The following CAPN2 variants were observed in gnomAD, a reference collection of about 807,000 sequenced individuals.
The protein encoded by CAPN2 is calpain-2 catalytic subunit.
CAPN2 carries 92 observed loss-of-function variants against 102.3 expected under a neutral mutation model. The observed-to-expected ratio is 0.90, with a 90% CI of 0.76 to 1.07. The LOEUF (loss-of-function observed/expected upper bound fraction) is 1.07. CAPN2 is among the 50% of genes least tolerant of loss of function. The pLI is 0.00. For missense variants in CAPN2, 800 were observed against 909.4 expected, an observed-to-expected ratio of 0.88 and a Z score of 1.55; for synonymous variants, 340 against 355.4, an observed-to-expected ratio of 0.96 and a Z score of 0.49.
chr1:223,721,744 T>G (rs1243195534), intron 2 of CAPN2, among the ~76,000 whole-genome samples: 1 of 152,200 alleles, frequency 6.6e-6, no homozygotes, highest in Non-Finnish European at 1.5e-5. Context: ...ATGGGGAATT[T>G]TCCAGTCCTG....
intron 2 of CAPN2, among the ~76,000 whole-genome samples, chr1:223,740,610 T>A (rs755578747): frequency 6.6e-6 from 1 of 152,254 alleles, no homozygotes; most frequent in South Asian, 2.1e-4. Context: ...TATGACCTAA[T>A]GCTTGCTTGG....
At chr1:223,717,271 C>T (rs550693640) in intron 1 of CAPN2, among the ~76,000 whole-genome samples, 10 of 152,164 alleles carry the variant, frequency 6.6e-5, no homozygotes, top group Admixed American at 2.6e-4. Context: ...TGGACTAGGA[C>T]GACTTCACGG....
chr1:223,707,098 A>T (rs1440216001), intron 1 of CAPN2, among the ~76,000 whole-genome samples: 2 of 149,282 alleles, frequency 1.3e-5, no homozygotes, highest in Non-Finnish European at 3.0e-5. Flanking sequence ...AAAAAAAAAA[A>T]TCCAGAACCT....
Position 223,725,123 on chromosome 1 carries a change from C to T in CAPN2, c.307+7292C>T, listed in dbSNP as rs1163161597. 6.6e-6 allele frequency among the ~76,000 whole-genome samples: 1 copy of T among 152,214 alleles called. No individual in the cohort carries two copies. Among genetic ancestry groups the T allele is most frequent in the African/African-American group, 2.4e-5 (1 of 41,464 alleles). On this transcript the variant is annotated intron_variant, in intron 2 of 20. Coordinates refer to ENST00000295006, the MANE Select transcript of CAPN2 (RefSeq NM_001748.5). This position sits in a 1 kb window ranked among gnomAD's most constrained non-coding sequence, Gnocchi z 4.1. ...GTGGATCACTATCCTCTTCACACCTCAGTTTCCTCATCCGTGAAATGAAGA... is the reference window on the plus strand; with the variant it reads ...GTGGATCACTATCCTCTTCACACCTTAGTTTCCTCATCCGTGAAATGAAGA...
At chr1:223,741,691 G>C (rs1275536529) in intron 2 of CAPN2, among the ~76,000 whole-genome samples, 1 of 152,030 alleles carries the variant, frequency 6.6e-6, no homozygotes, top group Non-Finnish European at 1.5e-5. Flanking sequence ...CTGACCTCAG[G>C]CTATCTGCCC....
At position 223,775,457 on chromosome 1, in the gene CAPN2, T is replaced by C. The variant is rs1460845909; in HGVS notation, c.*600T>C. On this transcript the variant is annotated 3_prime_UTR_variant, in exon 21 of 21. Transcript: ENST00000295006. ...AGAGACAGGTTTTGTAGAATATTGA[T>C]TGGTAATAGTAAATCGTTCTCCTTA... The C allele has an allele frequency of 1.3e-5, 2 of 152,628 alleles. No individual in the cohort carries two copies. The highest frequency in any genetic ancestry group is 6.5e-5 in the Admixed American group (1 of 15,316). 9.5% of individuals were successfully genotyped at this position (152,628 alleles called of 1,614,324 possible). A position where few individuals can be genotyped will look rare whatever the true frequency, so the allele number is the denominator to read the frequency against.
At chr1:223,740,266 G>A (rs1267960489) in intron 2 of CAPN2, among the ~76,000 whole-genome samples, 1 of 152,180 alleles carries the variant, frequency 6.6e-6, no homozygotes, top group Non-Finnish European at 1.5e-5. Flanking sequence ...GTTCCCTGGT[G>A]CCGTAAAGAA....
rs558377207 is a variant in CAPN2 at position 223,714,777 on chromosome 1, G to A, written c.237+1900G>A. ...TTTCTCGAATACCTACTATATGCTG[G>A]GCACAATGCATATGGTTTCTGCTTC... On this transcript the variant is annotated intron_variant, in intron 1 of 20. Coordinates refer to ENST00000295006, the MANE Select transcript of CAPN2 (RefSeq NM_001748.5). Among the ~76,000 whole-genome samples, 62 of 152,168 alleles carry A rather than the reference G, an allele frequency of 4.1e-4. 2 individuals carry two copies. The South Asian group carries it at 0.013, about 32-fold the overall frequency.
intron 16 of CAPN2, 127 bp from the exon 17 acceptor site, chr1:223,769,714 A>G (rs575115459): frequency 1.4e-6 from 1 of 727,234 alleles, no homozygotes; most frequent in Non-Finnish European, 2.4e-6. Flanking sequence ...AAGCAGGAAA[A>G]GGATCCTTCT....
At chr1:223,718,807 A>AAGGC (rs1659952877) in intron 2 of CAPN2, among the ~76,000 whole-genome samples, 1 of 152,210 alleles carries the variant, frequency 6.6e-6, no homozygotes, top group Non-Finnish European at 1.5e-5. Flanking sequence ...AACAGCTAAT[A>AAGGC]TGTATCTCTA....
At position 223,731,593 on chromosome 1, in the gene CAPN2, C is replaced by G. The variant is rs927302580; in HGVS notation, c.308-12507C>G. Among the ~76,000 whole-genome samples, 3 of 152,242 alleles carry G rather than the reference C, an allele frequency of 2.0e-5. No individual in the cohort carries two copies. The highest frequency in any genetic ancestry group is 7.2e-5 in the African/African-American group (3 of 41,460). On this transcript the variant is annotated intron_variant, in intron 2 of 20. Transcript: ENST00000295006. This position sits in a 1 kb window ranked among gnomAD's most constrained non-coding sequence, Gnocchi z 4.2. The stretch of plus-strand genomic sequence containing the variant: ...CCTGCCGGCTGTGAGCTCACTGCCT[C>G]AGAACCAGCGCCAGTCTCCTCTAGA...
At chr1:223,736,013 C>T (rs575569937) in intron 2 of CAPN2, among the ~76,000 whole-genome samples, 8 of 152,264 alleles carry the variant, frequency 5.3e-5, no homozygotes, top group Admixed American at 2.0e-4. Context: ...CTCCTGATCT[C>T]GTGATCTGCC....
At chr1:223,734,654 AC>A (rs1413480963) in intron 2 of CAPN2, among the ~76,000 whole-genome samples, 2 of 151,646 alleles carry the variant, frequency 1.3e-5, no homozygotes, top group Non-Finnish European at 2.9e-5. Flanking sequence ...CAACCCTGGC[AC>A]CCTTTCGAGG....
intron 2 of CAPN2, among the ~76,000 whole-genome samples, chr1:223,743,715 C>G (rs1340040797): frequency 2.0e-5 from 3 of 152,210 alleles, no homozygotes; most frequent in Non-Finnish European, 2.9e-5. Context: ...TGCAGCTGCG[C>G]TGGTTTCATT....
At chr1:223,739,802 G>A (rs1383077696) in intron 2 of CAPN2, among the ~76,000 whole-genome samples, 1 of 152,204 alleles carries the variant, frequency 6.6e-6, no homozygotes, top group Non-Finnish European at 1.5e-5. Flanking sequence ...TCCGTCACTG[G>A]AAGGCACCCT....
At chr1:223,719,260 G>A (rs973309786) in intron 2 of CAPN2, among the ~76,000 whole-genome samples, 2 of 152,124 alleles carry the variant, frequency 1.3e-5, no homozygotes, top group Non-Finnish European at 2.9e-5. Context: ...AGAAACAGCC[G>A]GCGCAGTGGC....
At position 223,757,395 on chromosome 1, in the gene CAPN2, T is replaced by C. The variant is rs903276938; in HGVS notation, c.1317+15T>C. The C allele has an allele frequency of 1.2e-6, 2 of 1,614,032 alleles. No individual in the cohort carries two copies. The highest frequency in any genetic ancestry group is 1.1e-5 in the South Asian group (1 of 91,070). On this transcript the variant is annotated intron_variant, in intron 11 of 20. Coordinates refer to ENST00000295006, the MANE Select transcript of CAPN2 (RefSeq NM_001748.5). ...TTCCAGAGGAGGTACGTCTGGCCCA[T>C]GTCCCGGGGTGCTCAGGTCACCAAA... is the stretch of plus-strand genomic sequence containing the variant.
At chr1:223,709,661 C>CAA (rs779362608), upstream of CAPN2, among the ~76,000 whole-genome samples, 2,259 of 137,832 alleles carry the variant, frequency 0.016, 87 homozygotes, top group Admixed American at 0.092. Context: ...AACTCCATCT[C>CAA]AAAAAAAAAA....
At chr1:223,744,887 C>CA (rs11301768) in intron 3 of CAPN2, among the ~76,000 whole-genome samples, 7 of 151,226 alleles carry the variant, frequency 4.6e-5, no homozygotes, top group African/African-American at 1.7e-4. Context: ...ACTAAAAACA[C>CA]AAAAAAAATT....
Sources: allele counts gnomAD v4.1 joint callset (sites outside exome capture counted in the v4.1 genomes callset), GRCh38; gene constraint gnomAD v4.1.1; non-coding constraint Gnocchi (gnomAD v3.1); transcripts MANE v1.5; gene names NCBI Gene and HGNC (gene_info 2026-07-23, HGNC 2026-07-21).